Variants in JAM2 observed in about 807,000 individuals in gnomAD.
The protein encoded by JAM2 is junctional adhesion molecule B.
JAM2 carries 17 observed loss-of-function variants against 42.0 expected under a neutral mutation model. The ratio of observed to expected loss-of-function variants is 0.40; its 90% confidence interval spans 0.28 to 0.61. The LOEUF (loss-of-function observed/expected upper bound fraction) is 0.61. Among genes scored for constraint, JAM2 ranks in the 20% least tolerant of loss-of-function variants. The pLI, the probability that JAM2 is intolerant of heterozygous loss-of-function variation, is 0.37. For missense variants in JAM2, 319 were observed against 358.3 expected (o/e 0.89, Z 0.89); for synonymous variants, 118 against 128.6 (o/e 0.92, Z 0.56).
chr21:25,694,665 C>A (rs9975682), intron 4 of JAM2, among the ~76,000 whole-genome samples: 28,581 of 151,478 alleles, frequency 0.19, 2,814 homozygotes, highest in South Asian at 0.26. Flanking sequence ...TCCCCTATAT[C>A]GCTCTCTCTA....
At position 25,639,826 on chromosome 21, in the gene JAM2, CGAG is replaced by C; in HGVS notation, c.12_14del (p.Arg4del). ...GCCGGCTGCCGCCCCGGGAAGATGGCGAGGAGGAGCCGCCACCGCCTCCTCCTG... is the reference window on the plus strand; with the variant it reads ...GCCGGCTGCCGCCCCGGGAAGATGGCGAGGAGCCGCCACCGCCTCCTCCTG... On this transcript the variant is annotated inframe_deletion, in exon 1 of 10. Transcript: ENST00000480456. The C allele has an allele frequency of 2.7e-5, 43 of 1,582,726 alleles. No individual in the cohort carries two copies. The highest frequency in any genetic ancestry group is 3.7e-5 in the Non-Finnish European group (43 of 1,167,376).
intron 1 of JAM2, among the ~76,000 whole-genome samples, chr21:25,682,973 C>T (rs557982719): frequency 6.6e-6 from 1 of 152,188 alleles, no homozygotes; most frequent in East Asian, 1.9e-4. Flanking sequence ...CTCATCTCCT[C>T]GCCTGCTCAT....
At chr21:25,654,588 C>G (rs1028983582) in intron 1 of JAM2, among the ~76,000 whole-genome samples, 1 of 144,158 alleles carries the variant, frequency 6.9e-6, no homozygotes, top group African/African-American at 2.6e-5. Flanking sequence ...GCAGAGGTTG[C>G]AGTGAGCCAA....
At position 25,639,589 on chromosome 21, in the gene JAM2, A is replaced by G; in HGVS notation, c.-233A>G. The G allele has an allele frequency of 2.1e-6, 1 of 477,400 alleles. No individual in the cohort carries two copies. Among genetic ancestry groups the G allele is most frequent in the South Asian group, 3.2e-5 (1 of 31,470 alleles). The allele number at this position is 477,400 out of a possible 1,614,324, so 29.6% of individuals were successfully genotyped here. A position where few individuals can be genotyped will look rare whatever the true frequency, so the allele number is the denominator to read the frequency against. On this transcript the variant is annotated 5_prime_UTR_variant, in exon 1 of 10. Coordinates refer to ENST00000480456, the MANE Select transcript of JAM2 (RefSeq NM_021219.4). Reference sequence around the variant, plus strand: ...TCTAGCCCCTACCCCCACACCCCCAAAACAGAACAGACCCCCATCCCTGGG... The same window carrying G: ...TCTAGCCCCTACCCCCACACCCCCAGAACAGAACAGACCCCCATCCCTGGG...
rs1185626851 is a variant in JAM2, at chr21:25,715,302, G to A, written c.*630G>A. The A allele has an allele frequency of 6.6e-6, 1 of 152,212 alleles. No individual in the cohort carries two copies. Among genetic ancestry groups the A allele is most frequent in the African/African-American group, 2.4e-5 (1 of 41,446 alleles). The allele number at this position is 152,212 out of a possible 1,614,324, so 9.4% of individuals were successfully genotyped here. ...CTGGAGCCCACAGGTGTGCACCACAGGATTTGCCTGGTGTGTGTCACTGAT... is the reference window on the plus strand; with the variant it reads ...CTGGAGCCCACAGGTGTGCACCACAAGATTTGCCTGGTGTGTGTCACTGAT... On this transcript the variant is annotated 3_prime_UTR_variant, in exon 10 of 10. Transcript: ENST00000480456.
chr21:25,688,878 C>T (rs1188851221), intron 2 of JAM2, among the ~76,000 whole-genome samples: 1 of 152,048 alleles, frequency 6.6e-6, no homozygotes, highest in Non-Finnish European at 1.5e-5. Context: ...AACCATATGC[C>T]TTGTGGGGAA....
intron 1 of JAM2, among the ~76,000 whole-genome samples, chr21:25,679,213 T>C (rs1282222941): frequency 6.6e-6 from 1 of 152,234 alleles, no homozygotes; most frequent in African/African-American, 2.4e-5. Flanking sequence ...TATATAGAGA[T>C]GAATAAATCA....
At chr21:25,656,230 T>C (rs1431923388) in intron 1 of JAM2, among the ~76,000 whole-genome samples, 1 of 152,206 alleles carries the variant, frequency 6.6e-6, no homozygotes, top group African/African-American at 2.4e-5. Context: ...AATGTTTGTC[T>C]TGCATTTGTT....
At chr21:25,652,344 ATT>A (rs2032805035) in intron 1 of JAM2, among the ~76,000 whole-genome samples, 1 of 152,196 alleles carries the variant, frequency 6.6e-6, no homozygotes, top group Admixed American at 6.5e-5. Flanking sequence ...GTGAGCTGTG[ATT>A]GTGCTACTGC....
chr21:25,646,056 C>CA (rs991478142), intron 1 of JAM2, among the ~76,000 whole-genome samples: 11 of 152,140 alleles, frequency 7.2e-5, no homozygotes, highest in African/African-American at 2.7e-4. Flanking sequence ...ACTTTATCAA[C>CA]ACTGTACACT....
chr21:25,689,827 G>T (rs562551048), intron 2 of JAM2, 39 bp from the exon 3 acceptor site: 1 of 1,279,562 alleles, frequency 7.8e-7, no homozygotes, highest in Admixed American at 1.8e-5. Flanking sequence ...AAATTCATGG[G>T]GACAATTAGA....
chr21:25,667,011 T>C (rs1188933751), intron 1 of JAM2, among the ~76,000 whole-genome samples: 1 of 152,248 alleles, frequency 6.6e-6, no homozygotes, highest in Non-Finnish European at 1.5e-5. Flanking sequence ...TTTTGTTCTT[T>C]AATCCCGGGC....
chr21:25,657,659 G>T (rs1243573206), intron 1 of JAM2, among the ~76,000 whole-genome samples: 1 of 152,108 alleles, frequency 6.6e-6, no homozygotes. Flanking sequence ...GTAATCATAT[G>T]GTTTTAGAAA....
chr21:25,688,405 G>A (rs2033802838), intron 2 of JAM2, among the ~76,000 whole-genome samples: 1 of 152,120 alleles, frequency 6.6e-6, no homozygotes, highest in Admixed American at 6.5e-5. Context: ...AATGAGTGTG[G>A]GTGTGTGTTT....
chr21:25,656,565 G>A (rs77523902), intron 1 of JAM2, among the ~76,000 whole-genome samples: 2,031 of 152,304 alleles, frequency 0.013, 40 homozygotes, highest in African/African-American at 0.038. Context: ...AGCCACAATA[G>A]AATAGCCTGG....
chr21:25,666,800 G>T (rs2033235932), intron 1 of JAM2, among the ~76,000 whole-genome samples: 1 of 152,162 alleles, frequency 6.6e-6, no homozygotes, highest in Admixed American at 6.5e-5. Flanking sequence ...CAAATGCTGG[G>T]ATTACAGGCA....
chr21:25,659,271 G>C (rs1470250485), intron 1 of JAM2, among the ~76,000 whole-genome samples: 1 of 146,020 alleles, frequency 6.8e-6, no homozygotes, highest in South Asian at 2.1e-4. Context: ...TTTTTTTGCT[G>C]TAAGTTCATA....
rs1600983932 is a variant in JAM2, at chr21:25,643,899, C to CAATTATATGTAAAATG, written c.67+4011_67+4012insAATTATATGTAAAATG. 4 of 152,212 alleles carry CAATTATATGTAAAATG rather than the reference C, an allele frequency of 2.6e-5. No homozygotes were observed. The East Asian group carries it at 7.7e-4, about 29-fold the overall frequency. The allele number at this position is 152,212 out of a possible 1,614,324, so 9.4% of individuals were successfully genotyped here. On this transcript the variant is annotated intron_variant, in intron 1 of 9. Transcript: ENST00000480456. The stretch of plus-strand genomic sequence containing the variant: ...CATTGCATTGGTTTCCTCCTGTGGG[C>CAATTATATGTAAAATG]CTTCCTCATAGAGAAGATGTATTGG...
chr21:25,693,742 T>C lies in JAM2; in HGVS notation c.242-14T>C, dbSNP rs1205282200. 7 of 1,608,644 alleles carry C rather than the reference T, an allele frequency of 4.4e-6. No homozygotes were observed. Among genetic ancestry groups the C allele is most frequent in the Non-Finnish European group, 6.0e-6 (7 of 1,175,344 alleles). On this transcript the variant is annotated splice_polypyrimidine_tract_variant and intron_variant, in intron 3 of 9. Coordinates refer to ENST00000480456, the MANE Select transcript of JAM2 (RefSeq NM_021219.4). The stretch of plus-strand genomic sequence containing the variant: ...TGGATTATTACTAACATCAATGTCT[T>C]CTTTTTCTAAAAGGTGATTTTAAAA...
Sources: gnomAD v4.1 joint callset for allele counts (sites outside exome capture counted in the v4.1 genomes callset) on GRCh38, gnomAD v4.1.1 for gene constraint, MANE v1.5 for transcripts, NCBI Gene and HGNC (gene_info 2026-07-23, HGNC 2026-07-21) for gene names.